STMN2: variants seen among roughly 807,000 people sequenced by gnomAD.
The protein encoded by STMN2 is stathmin 2, also known as stathmin-2.
STMN2 carries 2 observed loss-of-function variants against 24.1 expected under a neutral mutation model. The ratio of observed to expected loss-of-function variants is 0.08; its 90% CI spans 0.03 to 0.26. The LOEUF (loss-of-function observed/expected upper bound fraction) is 0.26, where lower values mean the gene tolerates loss of function less well. Ranked by LOEUF, STMN2 falls within the 10% of genes least tolerant of loss-of-function variation. The pLI, the probability that STMN2 is intolerant of heterozygous loss-of-function variation, is 1.00. For synonymous variants in STMN2, 83 were observed against 77.5 expected (o/e 1.07, Z -0.37); for missense variants, 114 against 213.6 (o/e 0.53, Z 2.91).
At chr8:79,650,196 G>T (rs1810305125) in intron 3 of STMN2, among the ~76,000 whole-genome samples, 2 of 152,146 alleles carry the variant, frequency 1.3e-5, no homozygotes, top group South Asian at 4.1e-4. Context: ...GTTAGGTACA[G>T]GTTATTTAGA....
chr8:79,653,241 G>A (rs1448361085), intron 3 of STMN2, among the ~76,000 whole-genome samples: 1 of 152,108 alleles, frequency 6.6e-6, no homozygotes, highest in African/African-American at 2.4e-5. Flanking sequence ...GCAGGGTGTG[G>A]TAGCACACAC....
At chr8:79,655,260 T>A (rs1318849970) in intron 4 of STMN2, among the ~76,000 whole-genome samples, 198 bp downstream of exon 4, 30 of 152,162 alleles carry the variant, frequency 2.0e-4, no homozygotes, top group Admixed American at 1.8e-3. Context: ...GAATCCATCA[T>A]GAAAGCTGGA....
chr8:79,615,529 C>T (rs929585159), intron 1 of STMN2, among the ~76,000 whole-genome samples: 2 of 152,134 alleles, frequency 1.3e-5, no homozygotes, highest in Admixed American at 6.5e-5. Context: ...CTGAACTAGC[C>T]AGTGACCCAG....
At chr8:79,613,067 T>G (rs1809280825) in intron 1 of STMN2, among the ~76,000 whole-genome samples, 1 of 151,178 alleles carries the variant, frequency 6.6e-6, no homozygotes, top group Non-Finnish European at 1.5e-5. Flanking sequence ...ACCGCAGAGG[T>G]GACCCCCTTC....
intron 4 of STMN2, among the ~76,000 whole-genome samples, chr8:79,656,489 T>C (rs1027500405): frequency 2.0e-5 from 3 of 152,238 alleles, no homozygotes; most frequent in African/African-American, 7.2e-5. Flanking sequence ...TATGGCGGTA[T>C]AGGAACACAT....
chr8:79,658,822 T>G (rs1228754684), intron 4 of STMN2, among the ~76,000 whole-genome samples: 1 of 152,230 alleles, frequency 6.6e-6, no homozygotes, highest in Non-Finnish European at 1.5e-5. Flanking sequence ...CCCAGCCATG[T>G]TAGCTCAAAG....
At chr8:79,656,594 G>A (rs1050142893) in intron 4 of STMN2, among the ~76,000 whole-genome samples, 8 of 152,224 alleles carry the variant, frequency 5.3e-5, no homozygotes, top group Middle Eastern at 6.8e-3. Flanking sequence ...CCACCACTTT[G>A]CACTTCTCCA....
chr8:79,619,428 C>T (rs1293929588), intron 1 of STMN2, among the ~76,000 whole-genome samples: 1 of 152,072 alleles, frequency 6.6e-6, no homozygotes. Context: ...CAAAGCTGCT[C>T]ACAGTAAACC....
chr8:79,636,949 T>C (rs1425884155), intron 2 of STMN2, 52 bp downstream of exon 2: 3 of 1,534,702 alleles, frequency 2.0e-6, no homozygotes, highest in Non-Finnish European at 2.7e-6. Flanking sequence ...TTTGGAAAGG[T>C]TGACATATAT....
intron 4 of STMN2, among the ~76,000 whole-genome samples, chr8:79,656,054 T>C (rs1375297877): frequency 6.6e-6 from 1 of 152,224 alleles, no homozygotes; most frequent in Non-Finnish European, 1.5e-5. Context: ...GCCCTTCTCA[T>C]CTAAGGTTCA....
intron 1 of STMN2, among the ~76,000 whole-genome samples, chr8:79,616,992 T>G (rs916572979): frequency 2.0e-5 from 3 of 152,186 alleles, no homozygotes; most frequent in Non-Finnish European, 4.4e-5. Context: ...TAATGCAAGC[T>G]TACTATCATT....
intron 1 of STMN2, among the ~76,000 whole-genome samples, chr8:79,622,862 T>C (rs2130309318): frequency 6.6e-6 from 1 of 152,248 alleles, no homozygotes; most frequent in East Asian, 1.9e-4. Context: ...CACGCACGCA[T>C]GCATACACAC....
chr8:79,621,000 C>T (rs1233072789), intron 1 of STMN2: 1 of 985,092 alleles, frequency 1.0e-6, no homozygotes, highest in African/African-American at 1.7e-5. Context: ...GCCAGGACAG[C>T]ATGTGAGTTA....
intron 2 of STMN2, among the ~76,000 whole-genome samples, chr8:79,640,413 T>G (rs563671412): frequency 6.6e-6 from 1 of 150,860 alleles, no homozygotes; most frequent in Non-Finnish European, 1.5e-5. Flanking sequence ...GTCCTCCAGG[T>G]TCACCCATGT....
At chr8:79,617,869 G>A (rs538511487) in intron 1 of STMN2, among the ~76,000 whole-genome samples, 1 of 152,174 alleles carries the variant, frequency 6.6e-6, no homozygotes, top group African/African-American at 2.4e-5. Flanking sequence ...AACATGCAAG[G>A]CATTGTTCTA....
At position 79,642,000 on chromosome 8, in the gene STMN2, G is replaced by A. The variant is rs751432408; in HGVS notation, c.288+450G>A. 5.3e-5 allele frequency among the ~76,000 whole-genome samples: 8 copies of A among 152,066 alleles called. No individual in the cohort carries two copies. In the South Asian group the frequency reaches 6.2e-4, roughly 12 times the overall value. Reference sequence around the variant, plus strand: ...ATCTGTGTCACCCCCTTTGTCAGGCGTGGTTTTCCTTGGAATTACAAATTA... The same window carrying A: ...ATCTGTGTCACCCCCTTTGTCAGGCATGGTTTTCCTTGGAATTACAAATTA... On this transcript the variant is annotated intron_variant, in intron 3 of 4. Transcript: ENST00000220876.
intron 3 of STMN2, among the ~76,000 whole-genome samples, chr8:79,649,541 T>A (rs1005850708): frequency 1.3e-5 from 2 of 152,194 alleles, no homozygotes; most frequent in Non-Finnish European, 2.9e-5. Flanking sequence ...CAATAATGAT[T>A]TTCATTGTCA....
At chr8:79,654,726 A>ATG in intron 3 of STMN2, 145 bp from the exon 4 acceptor site, 1 of 881,476 alleles carries the variant, frequency 1.1e-6, no homozygotes, top group South Asian at 2.1e-5. Flanking sequence ...ACTCTAAGCC[A>ATG]TGCAGATGAG....
Position 79,665,001 on chromosome 8 carries a change from A to C in STMN2, c.*127A>C, listed in dbSNP as rs1050517644. The C allele has an allele frequency of 1.7e-5, 15 of 878,400 alleles. No individual in the cohort carries two copies. The Middle Eastern group carries it at 7.5e-4, about 44-fold the overall frequency. The allele number at this position is 878,400 out of a possible 1,614,324, so 54.4% of individuals were successfully genotyped here. A position where few individuals can be genotyped will look rare whatever the true frequency, so the allele number is the denominator to read the frequency against. On this transcript the variant is annotated 3_prime_UTR_variant, in exon 5 of 5. Coordinates refer to ENST00000220876, the MANE Select transcript of STMN2 (RefSeq NM_007029.4). ...AAAGAACTCATTATAAAAAAAAAAA[A>C]ACAAAAAAAATCAAAAATTAAAAAA...
Sources: allele counts gnomAD v4.1 joint callset (sites outside exome capture counted in the v4.1 genomes callset), GRCh38; gene constraint gnomAD v4.1.1; transcripts MANE v1.5; gene names NCBI Gene and HGNC (gene_info 2026-07-23, HGNC 2026-07-21).